SUMF1: variants seen among roughly 807,000 people sequenced by gnomAD.
The protein encoded by SUMF1 is sulfatase modifying factor 1, also known as formylglycine-generating enzyme.
A neutral mutation model predicts 47.6 loss-of-function variants in SUMF1; 48 were observed. That is an observed-to-expected ratio of 1.01 (90% CI 0.80 to 1.28). The LOEUF (loss-of-function observed/expected upper bound fraction) is 1.28, where lower values mean the gene tolerates loss of function less well. Ranked by LOEUF, SUMF1 falls within the 50% of genes most tolerant of loss-of-function variation. SUMF1 has a pLI of 0.00. For missense variants in SUMF1, 571 were observed against 485.4 expected (o/e 1.18, Z -1.66); for synonymous variants, 230 against 192.1 (o/e 1.20, Z -1.63).
In SUMF1 at chr3:4,246,224, G is replaced by A. The variant is rs186229775; in HGVS notation, c.1014+130106C>T. ...TGATCCCTTGTGCTTCCCGGGTGAG[G>A]TGACACCCCGCCCTGCTTCTGCTCA... On this transcript the variant is annotated intron_variant and NMD_transcript_variant, in intron 8 of 12. Coordinates refer to the SUMF1 transcript ENST00000448413. Among the ~76,000 whole-genome samples the A allele has an allele frequency of 2.5e-3, 388 of 152,210 alleles. 2 individuals carry two copies. Among genetic ancestry groups the A allele is most frequent in the Non-Finnish European group, 4.0e-3 (273 of 67,990 alleles).
chr3:4,355,198 T>A (rs1559239991), intron 8 of SUMF1, among the ~76,000 whole-genome samples: 1 of 151,484 alleles, frequency 6.6e-6, no homozygotes, highest in East Asian at 1.9e-4. Context: ...AAATAAAAAA[T>A]AAAAAAAACT....
At chr3:4,357,703 A>C (rs1187111937), downstream of SUMF1, among the ~76,000 whole-genome samples, 14 of 151,404 alleles carry the variant, frequency 9.2e-5, no homozygotes, top group African/African-American at 3.2e-4. Context: ...CTGCCTCCCG[A>C]CTTCAATTGA....
intron 8 of SUMF1, among the ~76,000 whole-genome samples, chr3:4,315,100 G>A (rs1698583054): frequency 6.6e-6 from 1 of 152,104 alleles, no homozygotes; most frequent in African/African-American, 2.4e-5. Flanking sequence ...TGGTACTAGA[G>A]TACACATAAA....
At chr3:4,156,667 T>C (rs898499212) in intron 8 of SUMF1, among the ~76,000 whole-genome samples, 2 of 151,634 alleles carry the variant, frequency 1.3e-5, no homozygotes, top group African/African-American at 4.9e-5. Context: ...GTATTTTGTA[T>C]TTGCACTCTC....
chr3:4,417,393 C>T (rs1701749334), intron 5 of SUMF1, 151 bp from the exon 6 acceptor site: 1 of 588,198 alleles, frequency 1.7e-6, no homozygotes. Flanking sequence ...AGCTTTTAAT[C>T]AGGATTTATT....
At chr3:4,419,488 T>A (rs1054606445) in intron 4 of SUMF1, among the ~76,000 whole-genome samples, 1 of 152,180 alleles carries the variant, frequency 6.6e-6, no homozygotes, top group Non-Finnish European at 1.5e-5. Context: ...CCTTGCTCAA[T>A]CTCCAGGGTT....
intron 8 of SUMF1, among the ~76,000 whole-genome samples, chr3:4,355,926 G>C (rs1008483803): frequency 3.9e-5 from 6 of 152,142 alleles, no homozygotes; most frequent in African/African-American, 1.2e-4. Flanking sequence ...CCGCCCCCTT[G>C]GTACTAATCC....
chr3:4,210,215 T>C (rs1011872089), intron 8 of SUMF1, among the ~76,000 whole-genome samples: 1 of 152,148 alleles, frequency 6.6e-6, no homozygotes, highest in Non-Finnish European at 1.5e-5. Context: ...AATATTAACA[T>C]GTCAATTCTC....
At chr3:4,157,185 T>C (rs1336035337) in intron 8 of SUMF1, among the ~76,000 whole-genome samples, 2 of 151,584 alleles carry the variant, frequency 1.3e-5, no homozygotes, top group Non-Finnish European at 1.5e-5. Context: ...GAATAGGTTA[T>C]TTAGCATCAC....
At chr3:4,323,986 C>T (rs972773558) in intron 8 of SUMF1, among the ~76,000 whole-genome samples, 4 of 151,790 alleles carry the variant, frequency 2.6e-5, no homozygotes, top group Non-Finnish European at 4.4e-5. Flanking sequence ...AATCTGTGTA[C>T]GTGTAAGTCT....
intron 8 of SUMF1, among the ~76,000 whole-genome samples, chr3:4,077,958 T>C (rs991105762): frequency 1.3e-5 from 2 of 152,008 alleles, no homozygotes; most frequent in Non-Finnish European, 2.9e-5. Context: ...GAAAAAAGCT[T>C]GATATTTTAG....
chr3:4,430,777 C>T (rs1260480934), intron 3 of SUMF1, among the ~76,000 whole-genome samples: 2 of 151,976 alleles, frequency 1.3e-5, no homozygotes, highest in East Asian at 3.9e-4. Flanking sequence ...GGTGGGGCAC[C>T]CAATCAAAGT....
chr3:4,341,100 T>C (rs989697661), intron 8 of SUMF1, among the ~76,000 whole-genome samples: 1 of 152,180 alleles, frequency 6.6e-6, no homozygotes, highest in Non-Finnish European at 1.5e-5. Context: ...GAACATTTTC[T>C]CCTGAACTGT....
chr3:4,126,207 A>G (rs1270964667), intron 8 of SUMF1, among the ~76,000 whole-genome samples: 1 of 151,378 alleles, frequency 6.6e-6, no homozygotes, highest in Non-Finnish European at 1.5e-5. Context: ...ACCCATAAAT[A>G]TAATTTGTGC....
intron 8 of SUMF1, among the ~76,000 whole-genome samples, chr3:4,161,556 G>A (rs1466608683): frequency 6.6e-6 from 1 of 152,024 alleles, no homozygotes; most frequent in East Asian, 1.9e-4. Flanking sequence ...CATGGGGAGT[G>A]GAGTCTCTCT....
At chr3:4,464,791 C>T (rs746346816) in intron 1 of SUMF1, among the ~76,000 whole-genome samples, 4 of 152,134 alleles carry the variant, frequency 2.6e-5, no homozygotes, top group Admixed American at 2.0e-4. Context: ...AACAAGACTG[C>T]TTCAGTTTCA....
chr3:4,460,097 CT>C (rs1305384527), intron 1 of SUMF1, among the ~76,000 whole-genome samples: 3 of 152,138 alleles, frequency 2.0e-5, no homozygotes, highest in Non-Finnish European at 4.4e-5. Context: ...CCATGATGAG[CT>C]ACAAGAACAA....
chr3:4,120,040 C>G (rs963863563), intron 8 of SUMF1, among the ~76,000 whole-genome samples: 3 of 152,154 alleles, frequency 2.0e-5, no homozygotes, highest in Non-Finnish European at 4.4e-5. Flanking sequence ...CCTGTGCAGA[C>G]ATATCCTCAC....
At chr3:4,137,204 A>T (rs1313935194) in intron 8 of SUMF1, among the ~76,000 whole-genome samples, 1 of 152,122 alleles carries the variant, frequency 6.6e-6, no homozygotes, top group African/African-American at 2.4e-5. Context: ...TCACAACAGC[A>T]AAGACTTGGA....
Sources: gnomAD v4.1 joint callset for allele counts (sites outside exome capture counted in the v4.1 genomes callset) on GRCh38, gnomAD v4.1.1 for gene constraint, MANE v1.5 for transcripts, NCBI Gene and HGNC (gene_info 2026-07-23, HGNC 2026-07-21) for gene names.